Variants in PLPP4 observed in about 807,000 individuals in gnomAD.
PLPP4 encodes phospholipid phosphatase 4, also known as diacylglycerol pyrophosphate like 2.
Under a neutral mutation model 32.2 loss-of-function variants are expected in PLPP4, and 20 were observed. That is an observed-to-expected ratio of 0.62 (90% CI 0.44 to 0.90). The LOEUF is 0.90. Among genes scored for constraint, PLPP4 ranks in the 40% least tolerant of loss-of-function variants. The pLI, the probability that PLPP4 is intolerant of heterozygous loss-of-function variation, is 0.00. For missense variants in PLPP4, 257 were observed against 353.1 expected (o/e 0.73, Z 2.18); for synonymous variants, 127 against 133.0 (o/e 0.95, Z 0.31).
intron 5 of PLPP4, among the ~76,000 whole-genome samples, chr10:120,572,949 A>G (rs1849013646): frequency 6.6e-6 from 1 of 152,184 alleles, no homozygotes; most frequent in South Asian, 2.1e-4. Flanking sequence ...TTTTTACTTT[A>G]AGCAGAATAC....
chr10:120,532,906 G>T (rs1846808349), intron 5 of PLPP4, among the ~76,000 whole-genome samples: 1 of 152,110 alleles, frequency 6.6e-6, no homozygotes. Context: ...GTTGTTTCCA[G>T]CTTTTGGATA....
intron 1 of PLPP4, among the ~76,000 whole-genome samples, chr10:120,467,033 T>A (rs535720280): frequency 5.9e-5 from 9 of 152,284 alleles, no homozygotes; most frequent in African/African-American, 2.2e-4. Flanking sequence ...AGGAGACATC[T>A]GAATCATAAT....
At chr10:120,482,748 C>CAA (rs554260096) in intron 1 of PLPP4, among the ~76,000 whole-genome samples, 9 of 141,048 alleles carry the variant, frequency 6.4e-5, no homozygotes, top group Admixed American at 7.1e-5. Context: ...ACTGAAAATA[C>CAA]AAAAAAAAAA....
At chr10:120,565,876 T>C (rs998246155) in intron 5 of PLPP4, among the ~76,000 whole-genome samples, 1 of 152,178 alleles carries the variant, frequency 6.6e-6, no homozygotes, top group Non-Finnish European at 1.5e-5. Context: ...TTTTCATATG[T>C]CTTTTTAAAT....
intron 1 of PLPP4, among the ~76,000 whole-genome samples, chr10:120,497,759 G>A (rs552150734): frequency 3.9e-5 from 6 of 152,114 alleles, no homozygotes; most frequent in East Asian, 1.9e-4. Context: ...ATAACTGTCC[G>A]GCCAGGGGCG....
intron 5 of PLPP4, among the ~76,000 whole-genome samples, 153 bp from the exon 6 acceptor site, chr10:120,574,978 G>T (rs1424823289): frequency 6.6e-6 from 1 of 152,240 alleles, no homozygotes; most frequent in Non-Finnish European, 1.5e-5. Flanking sequence ...GCAGCATGGT[G>T]CTAGCAGGAG....
chr10:120,463,269 G>A (rs946594552), intron 1 of PLPP4, among the ~76,000 whole-genome samples: 3 of 152,036 alleles, frequency 2.0e-5, no homozygotes, highest in African/African-American at 4.8e-5. Flanking sequence ...CTCGTGATCT[G>A]CCCACCTTGG....
At chr10:120,585,180 A>G (rs1301184695) in intron 6 of PLPP4, among the ~76,000 whole-genome samples, 1 of 152,176 alleles carries the variant, frequency 6.6e-6, no homozygotes, top group African/African-American at 2.4e-5. Context: ...CAACTCTAAG[A>G]CCTTGAACTA....
intron 5 of PLPP4, among the ~76,000 whole-genome samples, chr10:120,542,951 G>T (rs553911130): frequency 6.6e-6 from 1 of 152,204 alleles, no homozygotes; most frequent in Non-Finnish European, 1.5e-5. Context: ...AGACAGAGAC[G>T]CTGCTCCAAG....
At chr10:120,467,298 G>A (rs1486230546) in intron 1 of PLPP4, among the ~76,000 whole-genome samples, 1 of 63,292 alleles carries the variant, frequency 1.6e-5, no homozygotes, top group African/African-American at 3.4e-5. Flanking sequence ...CACCATGTTA[G>A]CCAGCATGGT....
intron 6 of PLPP4, among the ~76,000 whole-genome samples, chr10:120,579,943 T>TAA (rs34914600): frequency 0.018 from 2,281 of 127,218 alleles, 81 homozygotes; most frequent in African/African-American, 0.059. Flanking sequence ...CCGTCTCTAC[T>TAA]AAAAAAAAAA....
chr10:120,592,012 CACGTG>C lies in PLPP4; in HGVS notation c.*2512_*2516del, dbSNP rs755627641. On this transcript the variant is annotated 3_prime_UTR_variant, in exon 7 of 7. Transcript: ENST00000398250. ...TTATGTTTCAATTTCATGCTCTATT[CACGTG>C]AAGTAAATATAACATCACAGTGTAC... Among the ~76,000 whole-genome samples the C allele has an allele frequency of 3.9e-5, 6 of 152,170 alleles. No individual in the cohort carries two copies. Among genetic ancestry groups the C allele is most frequent in the Non-Finnish European group, 8.8e-5 (6 of 68,040 alleles).
At chr10:120,510,515 T>C (rs993463648) in intron 2 of PLPP4, among the ~76,000 whole-genome samples, 3 of 152,230 alleles carry the variant, frequency 2.0e-5, no homozygotes, top group Non-Finnish European at 4.4e-5. Context: ...TACGTCCCTC[T>C]GTACATCTTC....
intron 5 of PLPP4, among the ~76,000 whole-genome samples, chr10:120,536,780 G>A (rs1274630850): frequency 1.4e-4 from 22 of 151,888 alleles, no homozygotes; most frequent in Admixed American, 1.3e-3. Context: ...GAAATGGGAG[G>A]CAATACTTGC....
chr10:120,514,793 G>T (rs1410504341), intron 3 of PLPP4, among the ~76,000 whole-genome samples: 1 of 152,106 alleles, frequency 6.6e-6, no homozygotes, highest in East Asian at 1.9e-4. Flanking sequence ...AAATCAGGTT[G>T]ATTTTTTCTT....
At chr10:120,538,701 C>T (rs780621533) in intron 5 of PLPP4, among the ~76,000 whole-genome samples, 1 of 152,160 alleles carries the variant, frequency 6.6e-6, no homozygotes, top group Non-Finnish European at 1.5e-5. Flanking sequence ...TACATTCTAG[C>T]CACCCTGTCC....
At chr10:120,571,208 C>T (rs1848925984) in intron 5 of PLPP4, among the ~76,000 whole-genome samples, 1 of 132,660 alleles carries the variant, frequency 7.5e-6, no homozygotes, top group South Asian at 2.5e-4. Context: ...ATCCTCTCAT[C>T]CCACTGGCTC....
Position 120,531,623 on chromosome 10 carries a change from G to A in PLPP4, c.445+10528G>A, listed in dbSNP as rs935317286. ...ATTTTTGTTTATAGTATGAGGTAGA[G>A]TTTGAAGTTCATTTTTTTCATATCA... On this transcript the variant is annotated intron_variant, in intron 5 of 6. Transcript: ENST00000398250. Among the ~76,000 whole-genome samples the A allele has an allele frequency of 4.9e-4, 75 of 152,080 alleles. 2 individuals carry two copies. The highest frequency in any genetic ancestry group is 6.3e-3 in the Middle Eastern group (2 of 316).
At position 120,514,012 on chromosome 10, in the gene PLPP4, C is replaced by T; in HGVS notation, c.256+11C>T. ...AGGAAGCCTTCTTAGGTAGAGTATT[C>T]ACAGTTCCTGCTTTAGGGAATGGGG... On this transcript the variant is annotated intron_variant, in intron 3 of 6. Transcript: ENST00000398250. 1.9e-6 allele frequency: 3 copies of T among 1,590,260 alleles called. No individual in the cohort carries two copies. Among genetic ancestry groups the T allele is most frequent in the Non-Finnish European group, 2.6e-6 (3 of 1,158,280 alleles).
Sources: gnomAD v4.1 joint callset for allele counts (sites outside exome capture counted in the v4.1 genomes callset) on GRCh38, gnomAD v4.1.1 for gene constraint, MANE v1.5 for transcripts, NCBI Gene and HGNC (gene_info 2026-07-23, HGNC 2026-07-21) for gene names.